SLC2A9: variants seen among roughly 807,000 people sequenced by gnomAD.
SLC2A9 encodes solute carrier family 2 member 9.
A neutral mutation model predicts 50.6 loss-of-function variants in SLC2A9; 39 were observed. That is an observed-to-expected ratio of 0.77 (90% CI 0.60 to 1.01). The LOEUF (loss-of-function observed/expected upper bound fraction) is 1.01. Ranked by LOEUF, SLC2A9 falls within the 50% of genes least tolerant of loss-of-function variation. The pLI, the probability that SLC2A9 is intolerant of heterozygous loss-of-function variation, is 0.00. For missense variants in SLC2A9, 686 were observed against 677.6 expected, an observed-to-expected ratio of 1.01 and a Z score of -0.14; for synonymous variants, 324 against 276.9, an observed-to-expected ratio of 1.17 and a Z score of -1.69.
chr4:9,943,627 T>C (rs112484309), intron 5 of SLC2A9, among the ~76,000 whole-genome samples: 96 of 152,330 alleles, frequency 6.3e-4, no homozygotes, highest in African/African-American at 2.1e-3. Flanking sequence ...CTGAGCTGTA[T>C]ACTTTAAAAG....
Position 9,979,286 on chromosome 4 carries a change from C to CA in SLC2A9, c.681+1305dup, listed in dbSNP as rs375370237. ...AGCTGTTAGGATTTGAGCAGCATAACAAATGAGTCTTTTACATAACTGCTC... is the reference window on the plus strand; with the variant it reads ...AGCTGTTAGGATTTGAGCAGCATAACAAAATGAGTCTTTTACATAACTGCTC... On this transcript the variant is annotated intron_variant, in intron 5 of 11. Coordinates refer to ENST00000264784, the MANE Select transcript of SLC2A9 (RefSeq NM_020041.3). Among the ~76,000 whole-genome samples the CA allele has an allele frequency of 3.6e-3, 543 of 152,292 alleles. 5 individuals carry two copies. Among genetic ancestry groups the CA allele is most frequent in the African/African-American group, 0.012 (490 of 41,560 alleles).
chr4:9,930,834 T>G (rs1304164325), intron 6 of SLC2A9, among the ~76,000 whole-genome samples: 1 of 152,200 alleles, frequency 6.6e-6, no homozygotes, highest in East Asian at 1.9e-4. Context: ...TCCCCATCCC[T>G]GAAGGTGTGC....
intron 4 of SLC2A9, among the ~76,000 whole-genome samples, chr4:9,984,232 C>T (rs745799594): frequency 1.3e-5 from 2 of 152,190 alleles, no homozygotes; most frequent in Non-Finnish European, 2.9e-5. Flanking sequence ...AGTGAAGCCT[C>T]CTCTTCTCAA....
At chr4:9,951,563 T>C (rs1750259184) in intron 5 of SLC2A9, among the ~76,000 whole-genome samples, 2 of 152,234 alleles carry the variant, frequency 1.3e-5, no homozygotes. Context: ...AATTGCCATA[T>C]CCCACTTAGG....
intron 10 of SLC2A9, among the ~76,000 whole-genome samples, chr4:9,884,281 A>C (rs1735767884): frequency 1.3e-5 from 2 of 152,282 alleles, no homozygotes; most frequent in South Asian, 4.2e-4. Context: ...CAATTTTTTT[A>C]GAAAAGAGAT....
chr4:9,893,556 CGGAGGGAGAGAATGAGGGAG>C (rs1005180201), intron 8 of SLC2A9, among the ~76,000 whole-genome samples: 3 of 126,284 alleles, frequency 2.4e-5, no homozygotes, highest in African/African-American at 8.7e-5. Context: ...CAGAGAGGGA[CGGAGGGAGAGAATGAGGGAG>C]GGAGGGAGGG....
intron 3 of SLC2A9, chr4:9,782,396 T>C (rs1407859791): frequency 9.3e-6 from 15 of 1,613,938 alleles, no homozygotes; most frequent in Non-Finnish European, 1.3e-5. Flanking sequence ...CGACATCATG[T>C]GCTCCACTGC....
chr4:9,898,228 TTGC>T (rs1466881145), intron 8 of SLC2A9, among the ~76,000 whole-genome samples: 4 of 152,200 alleles, frequency 2.6e-5, no homozygotes, highest in African/African-American at 9.7e-5. Context: ...GCTTGTAATG[TTGC>T]CTGCTAAATG....
chr4:9,812,281 G>A (rs1476337075), intron 3 of SLC2A9, among the ~76,000 whole-genome samples: 2 of 152,126 alleles, frequency 1.3e-5, no homozygotes, highest in East Asian at 1.9e-4. Context: ...ACTATGTGTA[G>A]AAACTGCGGC....
At chr4:10,038,681 G>A (rs906616379) in intron 1 of SLC2A9, among the ~76,000 whole-genome samples, 9 of 152,074 alleles carry the variant, frequency 5.9e-5, no homozygotes, top group East Asian at 1.9e-4. Context: ...TTTTAAAGTC[G>A]CTTGATGGAT....
At chr4:9,965,129 C>T (rs1351079786) in intron 5 of SLC2A9, among the ~76,000 whole-genome samples, 2 of 152,158 alleles carry the variant, frequency 1.3e-5, no homozygotes, top group South Asian at 4.1e-4. Flanking sequence ...GAAAGAGGTC[C>T]CATTATTAAT....
At chr4:9,872,089 C>T (rs1733535340) in intron 10 of SLC2A9, among the ~76,000 whole-genome samples, 1 of 152,152 alleles carries the variant, frequency 6.6e-6, no homozygotes, top group Non-Finnish European at 1.5e-5. Flanking sequence ...GATGTTTCCC[C>T]AGGGAAGGGG....
chr4:9,904,252 C>A (rs1431578750), intron 8 of SLC2A9, among the ~76,000 whole-genome samples: 1 of 152,198 alleles, frequency 6.6e-6, no homozygotes, highest in Non-Finnish European at 1.5e-5. Context: ...TCTTGCAGTG[C>A]AAACACGATG....
At chr4:9,790,125 A>G (rs1719713489) in intron 3 of SLC2A9, among the ~76,000 whole-genome samples, 1 of 152,234 alleles carries the variant, frequency 6.6e-6, no homozygotes, top group Non-Finnish European at 1.5e-5. Context: ...TGGGATTTGA[A>G]GAGCATCTAC....
chr4:9,948,120 AC>A (rs981407513), intron 5 of SLC2A9, among the ~76,000 whole-genome samples: 4 of 147,936 alleles, frequency 2.7e-5, no homozygotes, highest in African/African-American at 1.0e-4. Context: ...TCTAAACACC[AC>A]CCCCCCACCC....
At chr4:10,022,930 G>A (rs1763605336), upstream of SLC2A9, among the ~76,000 whole-genome samples, 1 of 152,200 alleles carries the variant, frequency 6.6e-6, no homozygotes, top group Non-Finnish European at 1.5e-5. Flanking sequence ...GTCCTTCTGT[G>A]TGTTAATCAG....
At chr4:10,025,656 A>T, upstream of SLC2A9, 2 of 502,824 alleles carry the variant, frequency 4.0e-6, no homozygotes, top group Non-Finnish European at 3.6e-6. Context: ...TGTAATGGAG[A>T]CTTTTGCCCC....
chr4:9,977,945 C>T (rs540804072), intron 5 of SLC2A9, among the ~76,000 whole-genome samples: 3 of 152,320 alleles, frequency 2.0e-5, no homozygotes, highest in South Asian at 2.1e-4. Flanking sequence ...ATAAACTTGA[C>T]GCCTCTGGGT....
intron 3 of SLC2A9, among the ~76,000 whole-genome samples, chr4:9,819,522 T>C (rs949938451): frequency 6.6e-6 from 1 of 152,268 alleles, no homozygotes; most frequent in Non-Finnish European, 1.5e-5. Context: ...TTTCTCATTG[T>C]TGAGTTTTGA....
Sources: allele counts gnomAD v4.1 joint callset (sites outside exome capture counted in the v4.1 genomes callset), GRCh38; gene constraint gnomAD v4.1.1; transcripts MANE v1.5; gene names NCBI Gene and HGNC (gene_info 2026-07-23, HGNC 2026-07-21).